Variants in NEDD4L observed in about 807,000 individuals in gnomAD.
The protein encoded by NEDD4L is NEDD4 like E3 ubiquitin protein ligase.
A neutral mutation model predicts 148.9 loss-of-function variants in NEDD4L; 54 were observed. That is an observed-to-expected ratio of 0.36 (90% CI 0.29 to 0.45). The LOEUF (loss-of-function observed/expected upper bound fraction) is 0.45, where lower values mean the gene tolerates loss of function less well. Ranked by LOEUF, NEDD4L falls within the 20% of genes least tolerant of loss-of-function variation. The probability of loss-of-function intolerance (pLI) is 1.00; values close to 1 mark genes in which losing one functional copy is unlikely to be tolerated. For synonymous variants in NEDD4L, 433 were observed against 440.7 expected (o/e 0.98, Z 0.22); for missense variants, 856 against 1,233.8 (o/e 0.69, Z 4.59).
chr18:58,210,596 G>A (rs946299688), intron 2 of NEDD4L, among the ~76,000 whole-genome samples: 20 of 152,120 alleles, frequency 1.3e-4, no homozygotes, highest in African/African-American at 4.6e-4. Flanking sequence ...TTACAGGCAT[G>A]TGCCATCATG....
chr18:58,382,661 A>G (rs1242750290), intron 24 of NEDD4L, among the ~76,000 whole-genome samples: 1 of 152,096 alleles, frequency 6.6e-6, no homozygotes, highest in Non-Finnish European at 1.5e-5. Context: ...TGCTTTTTTC[A>G]TGATCATGGG....
chr18:58,390,976 G>T (rs1440901766), intron 29 of NEDD4L, among the ~76,000 whole-genome samples: 1 of 151,838 alleles, frequency 6.6e-6, no homozygotes, highest in Non-Finnish European at 1.5e-5. Flanking sequence ...GGTCCATAAG[G>T]CTGCTCTTTT....
At chr18:58,277,367 C>A (rs2052288656) in intron 5 of NEDD4L, among the ~76,000 whole-genome samples, 1 of 152,150 alleles carries the variant, frequency 6.6e-6, no homozygotes, top group Middle Eastern at 3.2e-3. Flanking sequence ...CAGGAGCTCT[C>A]TTCCTGGGGG....
At chr18:58,178,940 G>A (rs2038494952) in intron 2 of NEDD4L, among the ~76,000 whole-genome samples, 2 of 152,144 alleles carry the variant, frequency 1.3e-5, no homozygotes, top group Non-Finnish European at 2.9e-5. Flanking sequence ...GGAGTGGCTG[G>A]TAGAAAAATC....
intron 9 of NEDD4L, among the ~76,000 whole-genome samples, chr18:58,327,993 C>T (rs1179568155): frequency 4.7e-5 from 7 of 150,536 alleles, no homozygotes; most frequent in East Asian, 1.9e-4. Flanking sequence ...GATGGAGTCT[C>T]ACTCTGCTGC....
At chr18:58,252,682 C>G (rs145325484) in intron 5 of NEDD4L, among the ~76,000 whole-genome samples, 1 of 152,036 alleles carries the variant, frequency 6.6e-6, no homozygotes, top group East Asian at 1.9e-4. Context: ...TTATGAAGAT[C>G]GACACATACA....
At chr18:58,099,277 C>T (rs1410937345) in intron 1 of NEDD4L, among the ~76,000 whole-genome samples, 1 of 152,036 alleles carries the variant, frequency 6.6e-6, no homozygotes, top group Non-Finnish European at 1.5e-5. Flanking sequence ...GTCCTGGGCT[C>T]AAGCAAATCC....
chr18:58,200,408 G>A (rs940764165), intron 2 of NEDD4L, among the ~76,000 whole-genome samples: 2 of 152,116 alleles, frequency 1.3e-5, no homozygotes, highest in African/African-American at 4.8e-5. Context: ...TTTGCTGGGT[G>A]ACAGCTATCA....
rs369653619 is a variant in NEDD4L, at chr18:58,179,391, G to C, written c.122+13530G>C. 1.5e-3 allele frequency among the ~76,000 whole-genome samples: 225 copies of C among 152,284 alleles called. 1 individual carries two copies. Among genetic ancestry groups the C allele is most frequent in the African/African-American group, 5.1e-3 (213 of 41,564 alleles). ...CCGTGATGGCCTCGCCATCTGTACA[G>C]TCATCCAAGCTAGGGACCAAAGAGT... On this transcript the variant is annotated intron_variant, in intron 2 of 30. Coordinates refer to ENST00000400345, the MANE Select transcript of NEDD4L (RefSeq NM_001144967.3).
chr18:58,123,071 T>C (rs905397416), intron 1 of NEDD4L, among the ~76,000 whole-genome samples: 3 of 152,206 alleles, frequency 2.0e-5, no homozygotes, highest in African/African-American at 7.2e-5. Context: ...TTCTTGCCTC[T>C]GTGCCTTTTG....
At chr18:58,195,420 C>G in intron 2 of NEDD4L, 1 of 1,296,446 alleles carries the variant, frequency 7.7e-7, no homozygotes, top group Non-Finnish European at 1.0e-6. Context: ...TGAATTTGCT[C>G]CCGATTCGAG....
intron 18 of NEDD4L, among the ~76,000 whole-genome samples, chr18:58,353,429 A>G (rs1264433472): frequency 1.3e-5 from 2 of 152,262 alleles, no homozygotes; most frequent in Non-Finnish European, 2.9e-5. Flanking sequence ...ATTCTGTTAA[A>G]GAGATATAGC....
At chr18:58,376,788 C>G (rs937819523) in intron 24 of NEDD4L, among the ~76,000 whole-genome samples, 1 of 152,242 alleles carries the variant, frequency 6.6e-6, no homozygotes, top group Non-Finnish European at 1.5e-5. Flanking sequence ...TTACTTTGTC[C>G]CACAAGGTCC....
At chr18:58,344,955 C>T (rs1324227811) in intron 16 of NEDD4L, among the ~76,000 whole-genome samples, 1 of 152,228 alleles carries the variant, frequency 6.6e-6, no homozygotes, top group Admixed American at 6.5e-5. Context: ...CTAACCTTTT[C>T]ACAGCCTTTC....
At chr18:58,384,002 A>G (rs918892573) in intron 25 of NEDD4L, among the ~76,000 whole-genome samples, 1 of 152,046 alleles carries the variant, frequency 6.6e-6, no homozygotes, top group Admixed American at 6.5e-5. Context: ...TGCAGGGGTG[A>G]GGTGAGCACT....
intron 16 of NEDD4L, among the ~76,000 whole-genome samples, chr18:58,348,930 C>A (rs1372005203): frequency 1.3e-5 from 2 of 152,060 alleles, no homozygotes; most frequent in Non-Finnish European, 2.9e-5. Context: ...AGAACTTAAT[C>A]TGCAGAACTT....
chr18:58,294,604 T>C (rs1301422445), intron 5 of NEDD4L, among the ~76,000 whole-genome samples: 2 of 122,676 alleles, frequency 1.6e-5, no homozygotes, highest in East Asian at 4.3e-4. Context: ...TCCCAGACCA[T>C]GTTGATTTTT....
intron 5 of NEDD4L, among the ~76,000 whole-genome samples, chr18:58,270,012 TC>T (rs1471569232): frequency 6.6e-6 from 1 of 152,232 alleles, no homozygotes; most frequent in East Asian, 1.9e-4. Context: ...TCTCTCAGTT[TC>T]CTACTGCAAG....
At chr18:58,145,596 A>G (rs188694816) in intron 1 of NEDD4L, among the ~76,000 whole-genome samples, 4 of 151,850 alleles carry the variant, frequency 2.6e-5, no homozygotes, top group Non-Finnish European at 2.9e-5. Context: ...ACTCTAGCCA[A>G]TTTTATCAAA....
Sources: gnomAD v4.1 joint callset for allele counts (sites outside exome capture counted in the v4.1 genomes callset) on GRCh38, gnomAD v4.1.1 for gene constraint, MANE v1.5 for transcripts, NCBI Gene and HGNC (gene_info 2026-07-23, HGNC 2026-07-21) for gene names.